CCND3: variants seen among roughly 807,000 people sequenced by gnomAD.
The protein encoded by CCND3 is G1/S-specific cyclin-D3.
CCND3 carries 9 observed loss-of-function variants against 28.7 expected under a neutral mutation model. The observed-to-expected ratio is 0.31, with a 90% confidence interval of 0.19 to 0.55. The LOEUF (loss-of-function observed/expected upper bound fraction) is 0.55, where lower values mean the gene tolerates loss of function less well. Ranked by LOEUF, CCND3 falls within the 20% of genes least tolerant of loss-of-function variation. The pLI, the probability that CCND3 is intolerant of heterozygous loss-of-function variation, is 0.93. For synonymous variants in CCND3, 164 were observed against 163.9 expected, an observed-to-expected ratio of 1.00 and a Z score of 0.00; for missense variants, 315 against 385.8, an observed-to-expected ratio of 0.82 and a Z score of 1.54.
Position 41,937,231 on chromosome 6 carries a change from T to C in CCND3, c.574+4A>G, listed in dbSNP as rs758756366. The C allele has an allele frequency of 1.2e-6, 2 of 1,614,220 alleles. No individual in the cohort carries two copies. Among genetic ancestry groups the C allele is most frequent in the South Asian group, 1.1e-5 (1 of 91,084 alleles). On this transcript the variant is annotated splice_donor_region_variant and intron_variant, in intron 3 of 4. Coordinates refer to ENST00000372991, the MANE Select transcript of CCND3 (RefSeq NM_001760.5). ...TTTGGCAAAAATGTGCATAGGGCTC[T>C]TACCTGTAGCACAGAGGGCCAAAAA...
intron 1 of CCND3, among the ~76,000 whole-genome samples, chr6:41,981,871 C>T (rs1762358540): frequency 1.3e-5 from 2 of 152,118 alleles, no homozygotes; most frequent in African/African-American, 4.8e-5. Context: ...CACAGTAGCA[C>T]ACACCTGTAG....
chr6:42,021,651 A>G (rs1274568549), intron 1 of CCND3, among the ~76,000 whole-genome samples: 3 of 152,184 alleles, frequency 2.0e-5, no homozygotes, highest in African/African-American at 4.8e-5. Flanking sequence ...GGCTTTGAAG[A>G]CTGGTCAAGT....
chr6:42,013,334 C>T (rs890281485), intron 1 of CCND3, among the ~76,000 whole-genome samples: 1 of 152,202 alleles, frequency 6.6e-6, no homozygotes, highest in African/African-American at 2.4e-5. Flanking sequence ...CCATGGTTAA[C>T]TGCCATTGGT....
intron 1 of CCND3, among the ~76,000 whole-genome samples, chr6:42,025,525 C>A (rs866552302): frequency 6.6e-6 from 1 of 152,202 alleles, no homozygotes; most frequent in Non-Finnish European, 1.5e-5. Context: ...AGAAGTCACA[C>A]ACCTCACCAA....
intron 1 of CCND3, among the ~76,000 whole-genome samples, chr6:42,016,771 G>C (rs150174031): frequency 0.022 from 3,346 of 151,990 alleles, 135 homozygotes; most frequent in African/African-American, 0.075. Context: ...TTTTAGTAGA[G>C]ACAGGGTTTT....
chr6:41,964,470 GTGTGAGTGTGTGTGAA>G (rs1271191758), intron 1 of CCND3, among the ~76,000 whole-genome samples: 1 of 134,444 alleles, frequency 7.4e-6, no homozygotes, highest in African/African-American at 3.1e-5. Flanking sequence ...GTGAGTGTGT[GTGTGAGTGTGTGTGAA>G]TGTGTGTGTG....
At chr6:42,007,684 G>C (rs1270029655) in intron 1 of CCND3, among the ~76,000 whole-genome samples, 1 of 152,204 alleles carries the variant, frequency 6.6e-6, no homozygotes, top group African/African-American at 2.4e-5. Flanking sequence ...ACACAAAATA[G>C]CATTTGTGCA....
chr6:42,015,826 C>G (rs1763488604), intron 1 of CCND3, among the ~76,000 whole-genome samples: 1 of 152,088 alleles, frequency 6.6e-6, no homozygotes, highest in African/African-American at 2.4e-5. Context: ...CTAAATCAAG[C>G]TAATTAACAT....
At chr6:42,020,027 C>G (rs6458265) in intron 1 of CCND3, among the ~76,000 whole-genome samples, 82,065 of 151,922 alleles carry the variant, frequency 0.54, 22,276 homozygotes, top group East Asian at 0.6. Context: ...GCCTGTAATC[C>G]CAGCACTTTG....
intron 1 of CCND3, among the ~76,000 whole-genome samples, chr6:42,030,832 G>A (rs1326490160): frequency 6.6e-6 from 1 of 152,168 alleles, no homozygotes; most frequent in African/African-American, 2.4e-5. Flanking sequence ...TGGCTCAGGG[G>A]ACTGGGGGAA....
chr6:42,032,302 G>A (rs1764068152), intron 1 of CCND3, among the ~76,000 whole-genome samples: 1 of 152,098 alleles, frequency 6.6e-6, no homozygotes, highest in African/African-American at 2.4e-5. Context: ...GTCCAGGCTG[G>A]CCTTGAACTC....
intron 1 of CCND3, among the ~76,000 whole-genome samples, chr6:42,027,851 A>G (rs903214281): frequency 1.6e-4 from 25 of 151,914 alleles, no homozygotes; most frequent in African/African-American, 6.0e-4. Context: ...GGGTTCAAGC[A>G]ATTCTCCTGC....
chr6:41,977,558 G>T (rs979208279), intron 1 of CCND3, among the ~76,000 whole-genome samples: 1 of 152,068 alleles, frequency 6.6e-6, no homozygotes, highest in African/African-American at 2.4e-5. Context: ...GTAGAGACGG[G>T]GTTTCACCAG....
At chr6:41,944,287 T>C (rs899102160), upstream of CCND3, among the ~76,000 whole-genome samples, 7 of 152,072 alleles carry the variant, frequency 4.6e-5, no homozygotes, top group Non-Finnish European at 7.4e-5. Flanking sequence ...CAGTGAACCA[T>C]AACGGCACAT....
chr6:42,013,133 G>A (rs6922061), intron 1 of CCND3, among the ~76,000 whole-genome samples: 53,627 of 151,966 alleles, frequency 0.35, 9,560 homozygotes, highest in Admixed American at 0.38. Flanking sequence ...GTTCATCAGT[G>A]TCTCTCTAGA....
chr6:42,032,565 C>T (rs79132119), intron 1 of CCND3, among the ~76,000 whole-genome samples: 7,743 of 152,326 alleles, frequency 0.051, 347 homozygotes, highest in East Asian at 0.11. Flanking sequence ...CGGGCACGCC[C>T]GCCTAGACTG....
intron 1 of CCND3, among the ~76,000 whole-genome samples, chr6:41,999,216 C>T (rs1231536473): frequency 6.3e-4 from 4 of 6,306 alleles, no homozygotes; most frequent in African/African-American, 7.6e-4. Context: ...AACTCTGTCT[C>T]GAAAAAAAAA....
At chr6:42,035,980 AATTATT>A (rs1002405674) in intron 1 of CCND3, among the ~76,000 whole-genome samples, 1 of 150,646 alleles carries the variant, frequency 6.6e-6, no homozygotes, top group Non-Finnish European at 1.5e-5. Context: ...CCGGCCTAAA[AATTATT>A]ATTATTATTT....
At chr6:42,027,703 G>C (rs1022871357) in intron 1 of CCND3, among the ~76,000 whole-genome samples, 3 of 152,000 alleles carry the variant, frequency 2.0e-5, no homozygotes, top group Non-Finnish European at 4.4e-5. Flanking sequence ...GTGTAACCCT[G>C]GACAGATCTC....
Sources: gnomAD v4.1 joint callset for allele counts (sites outside exome capture counted in the v4.1 genomes callset) on GRCh38, gnomAD v4.1.1 for gene constraint, MANE v1.5 for transcripts, NCBI Gene and HGNC (gene_info 2026-07-23, HGNC 2026-07-21) for gene names.